The following HIPK2 variants were observed in gnomAD, a reference collection of about 807,000 sequenced individuals.
HIPK2 encodes homeodomain interacting protein kinase 2, also known as homeodomain-interacting protein kinase 2.
A neutral mutation model predicts 113.7 loss-of-function variants in HIPK2; 27 were observed. The observed-to-expected ratio is 0.24, with a 90% CI of 0.17 to 0.33. HIPK2 has a LOEUF of 0.33. Among genes scored for constraint, HIPK2 ranks in the 10% least tolerant of loss-of-function variants. The probability of loss-of-function intolerance (pLI) is 1.00; values close to 1 mark genes in which losing one functional copy is unlikely to be tolerated. For synonymous variants in HIPK2, 631 were observed against 642.2 expected (o/e 0.98, Z 0.26); for missense variants, 1,257 against 1,588.0 (o/e 0.79, Z 3.54).
intron 13 of HIPK2, among the ~76,000 whole-genome samples, chr7:139,579,346 G>C (rs955501721): frequency 2.6e-5 from 4 of 152,232 alleles, no homozygotes; most frequent in African/African-American, 9.6e-5. Context: ...GAGCATCTTA[G>C]GTGAACTGGA....
chr7:139,595,816 G>A (rs531192538), intron 12 of HIPK2, among the ~76,000 whole-genome samples: 40 of 152,310 alleles, frequency 2.6e-4, no homozygotes, highest in African/African-American at 9.6e-4. Flanking sequence ...TAGTTACATT[G>A]CATCCAATCA....
At chr7:139,651,937 C>G (rs568551182) in intron 2 of HIPK2, among the ~76,000 whole-genome samples, 22 of 152,192 alleles carry the variant, frequency 1.4e-4, no homozygotes, top group Non-Finnish European at 2.2e-4. Context: ...CTTTGCTGAT[C>G]TGGCTTTCTA....
chr7:139,674,956 C>T (rs962150682), intron 2 of HIPK2, among the ~76,000 whole-genome samples: 6 of 152,160 alleles, frequency 3.9e-5, no homozygotes, highest in Admixed American at 1.3e-4. Flanking sequence ...CCTGGAAGTT[C>T]GCACACTTCT....
intron 2 of HIPK2, among the ~76,000 whole-genome samples, chr7:139,712,169 A>G (rs1569478964): frequency 6.6e-6 from 1 of 152,258 alleles, no homozygotes; most frequent in Non-Finnish European, 1.5e-5. Flanking sequence ...GACTCGAGAA[A>G]AAAACTTAAA....
chr7:139,752,352 T>C (rs1047572943), intron 1 of HIPK2, among the ~76,000 whole-genome samples: 3 of 152,220 alleles, frequency 2.0e-5, no homozygotes, highest in Admixed American at 2.0e-4. Flanking sequence ...AACTATCTTG[T>C]TCACAGCAAA....
chr7:139,673,338 C>A (rs1802372167), intron 2 of HIPK2, among the ~76,000 whole-genome samples: 1 of 152,130 alleles, frequency 6.6e-6, no homozygotes, highest in Non-Finnish European at 1.5e-5. Flanking sequence ...GGTGGCGGAG[C>A]CGCATTCTCT....
chr7:139,760,259 C>T (rs541792480), intron 1 of HIPK2, among the ~76,000 whole-genome samples: 5 of 152,312 alleles, frequency 3.3e-5, no homozygotes, highest in African/African-American at 1.2e-4. Flanking sequence ...CCACCTCGGC[C>T]TCCCAAAGTG....
At chr7:139,743,819 A>G (rs999403659) in intron 1 of HIPK2, among the ~76,000 whole-genome samples, 7 of 152,218 alleles carry the variant, frequency 4.6e-5, no homozygotes, top group Admixed American at 4.6e-4. Flanking sequence ...GAGGTCACCT[A>G]AAAGACTACA....
At chr7:139,720,131 T>C (rs4132078) in intron 1 of HIPK2, among the ~76,000 whole-genome samples, 54,014 of 152,122 alleles carry the variant, frequency 0.36, 13,256 homozygotes, top group African/African-American at 0.69. Context: ...ATACTTCCTA[T>C]CTTCACACTC....
chr7:139,750,848 C>T (rs980646931), intron 1 of HIPK2, among the ~76,000 whole-genome samples: 1 of 152,190 alleles, frequency 6.6e-6, no homozygotes, highest in Non-Finnish European at 1.5e-5. Context: ...AATCTTTGCT[C>T]CTCTTGAGGA....
At chr7:139,633,356 G>A (rs1800689311) in intron 2 of HIPK2, among the ~76,000 whole-genome samples, 2 of 151,894 alleles carry the variant, frequency 1.3e-5, no homozygotes, top group Non-Finnish European at 2.9e-5. Flanking sequence ...CACTGGTCTT[G>A]GATCTTCTAG....
chr7:139,591,019 A>G (rs1799002438), intron 12 of HIPK2, among the ~76,000 whole-genome samples: 1 of 152,068 alleles, frequency 6.6e-6, no homozygotes, highest in African/African-American at 2.4e-5. Context: ...GAATTTAAAA[A>G]AATTTTTTGT....
At chr7:139,621,969 A>C (rs576611179) in intron 6 of HIPK2, among the ~76,000 whole-genome samples, 24 of 151,932 alleles carry the variant, frequency 1.6e-4, no homozygotes, top group African/African-American at 5.8e-4. Flanking sequence ...AAAAAAACTC[A>C]TTTAATTTTC....
intron 2 of HIPK2, among the ~76,000 whole-genome samples, chr7:139,673,093 G>A (rs1802360836): frequency 7.3e-6 from 1 of 137,880 alleles, no homozygotes; most frequent in African/African-American, 2.6e-5. Context: ...GAAAAGCAGT[G>A]GTTAGAACTT....
At chr7:139,583,778 C>T (rs1276611806) in intron 13 of HIPK2, 39 bp downstream of exon 13, 1 of 1,591,664 alleles carries the variant, frequency 6.3e-7, no homozygotes. Flanking sequence ...AAACCACTCT[C>T]CAGGGAGAGG....
intron 1 of HIPK2, among the ~76,000 whole-genome samples, chr7:139,735,401 T>C (rs1795908727): frequency 1.3e-5 from 2 of 152,188 alleles, no homozygotes; most frequent in Admixed American, 1.3e-4. Context: ...AATTAGTTAG[T>C]ATGAACCAGT....
intron 1 of HIPK2, among the ~76,000 whole-genome samples, chr7:139,734,442 A>C (rs766569236): frequency 6.6e-6 from 1 of 152,230 alleles, no homozygotes; most frequent in Non-Finnish European, 1.5e-5. Flanking sequence ...GGAGTCTGGC[A>C]CTGCTGCATA....
At chr7:139,680,372 C>T (rs992681582) in intron 2 of HIPK2, among the ~76,000 whole-genome samples, 12 of 152,224 alleles carry the variant, frequency 7.9e-5, no homozygotes, top group Non-Finnish European at 2.9e-5. Flanking sequence ...AGAGCCCTCC[C>T]CTGGGTGAAC....
At chr7:139,601,544 G>T (rs1439519452) in intron 10 of HIPK2, among the ~76,000 whole-genome samples, 1 of 152,196 alleles carries the variant, frequency 6.6e-6, no homozygotes, top group Admixed American at 6.5e-5. Context: ...CTTGCTGAAT[G>T]AATAATTAGA....
Sources: allele counts gnomAD v4.1 joint callset (sites outside exome capture counted in the v4.1 genomes callset), GRCh38; gene constraint gnomAD v4.1.1; transcripts MANE v1.5; gene names NCBI Gene and HGNC (gene_info 2026-07-23, HGNC 2026-07-21).